Variants in AKT3 observed in about 807,000 individuals in gnomAD.
AKT3 encodes the protein AKT serine/threonine kinase 3.
AKT3 carries 15 observed loss-of-function variants against 65.3 expected under a neutral mutation model. The ratio of observed to expected loss-of-function variants is 0.23; its 90% CI spans 0.15 to 0.35. AKT3 has a LOEUF of 0.35. Ranked by LOEUF, AKT3 falls within the 10% of genes least tolerant of loss-of-function variation. The pLI is 1.00. For missense variants in AKT3, 243 were observed against 576.5 expected (o/e 0.42, Z 5.92); for synonymous variants, 206 against 183.8 (o/e 1.12, Z -0.98).
chr1:243,672,566 T>A (rs1178798233), intron 3 of AKT3, among the ~76,000 whole-genome samples: 1 of 152,184 alleles, frequency 6.6e-6, no homozygotes, highest in Non-Finnish European at 1.5e-5. Flanking sequence ...TAACATTACA[T>A]TTCCCTCTAG....
At chr1:243,781,439 T>A (rs1263189627) in intron 2 of AKT3, among the ~76,000 whole-genome samples, 1 of 152,180 alleles carries the variant, frequency 6.6e-6, no homozygotes, top group African/African-American at 2.4e-5. Flanking sequence ...ACTTCCCTCC[T>A]CTGTCGAATG....
At chr1:243,564,205 A>C (rs1415724333) in intron 9 of AKT3, among the ~76,000 whole-genome samples, 1 of 152,170 alleles carries the variant, frequency 6.6e-6, no homozygotes, top group Non-Finnish European at 1.5e-5. Flanking sequence ...CAAAGAGATG[A>C]GCATCTTCTT....
intron 2 of AKT3, 46 bp from the exon 3 acceptor site, chr1:243,695,762 C>G: frequency 1.3e-6 from 2 of 1,516,388 alleles, no homozygotes; most frequent in Non-Finnish European, 1.8e-6. Context: ...AAATGAACAG[C>G]AGCTTTTATG....
intron 11 of AKT3, among the ~76,000 whole-genome samples, chr1:243,545,927 G>A (rs972785046): frequency 8.5e-5 from 13 of 152,226 alleles, no homozygotes; most frequent in African/African-American, 2.9e-4. Context: ...GAATGATAAC[G>A]TTTGCTGGTG....
chr1:243,651,571 G>A (rs1192579161), intron 4 of AKT3, among the ~76,000 whole-genome samples: 1 of 152,032 alleles, frequency 6.6e-6, no homozygotes, highest in African/African-American at 2.4e-5. Context: ...ACATTCCATC[G>A]ATACTTAGTT....
At chr1:243,700,531 G>A (rs1389633167) in intron 2 of AKT3, among the ~76,000 whole-genome samples, 2 of 140,586 alleles carry the variant, frequency 1.4e-5, no homozygotes, top group Non-Finnish European at 3.0e-5. Flanking sequence ...TTGAGACACA[G>A]TCTTGCTCTG....
intron 3 of AKT3, among the ~76,000 whole-genome samples, chr1:243,668,482 G>A (rs79127091): frequency 0.027 from 4,179 of 152,072 alleles, 75 homozygotes; most frequent in Middle Eastern, 0.054. Flanking sequence ...CGGGAATAAC[G>A]TTGCAAAAGG....
At chr1:243,748,516 A>G (rs946800036) in intron 2 of AKT3, among the ~76,000 whole-genome samples, 1 of 152,220 alleles carries the variant, frequency 6.6e-6, no homozygotes, top group South Asian at 2.1e-4. Context: ...ATTAGTCCCT[A>G]TAAAACCAGA....
chr1:243,681,280 G>A (rs1053199592), intron 3 of AKT3, among the ~76,000 whole-genome samples: 2 of 152,018 alleles, frequency 1.3e-5, no homozygotes, highest in East Asian at 1.9e-4. Flanking sequence ...GAGGCAGAAG[G>A]TACTCAACAA....
At chr1:243,624,761 C>A in intron 6 of AKT3, 1 of 202,404 alleles carries the variant, frequency 4.9e-6, no homozygotes, top group East Asian at 1.2e-4. Context: ...GTTTCTTTGT[C>A]ATCCCATTTC....
chr1:243,815,776 AGTTGTT>A (rs145906932), intron 2 of AKT3, among the ~76,000 whole-genome samples: 3 of 147,186 alleles, frequency 2.0e-5, no homozygotes, highest in African/African-American at 7.6e-5. Flanking sequence ...ACACCCAGCT[AGTTGTT>A]GTTGTTGTTG....
chr1:243,543,315 G>C (rs1040829440), intron 12 of AKT3, among the ~76,000 whole-genome samples: 1 of 152,132 alleles, frequency 6.6e-6, no homozygotes, highest in Non-Finnish European at 1.5e-5. Flanking sequence ...ATGAATAGCT[G>C]AACACTGAGA....
chr1:243,748,674 G>A (rs1381166287), intron 2 of AKT3, among the ~76,000 whole-genome samples: 1 of 152,142 alleles, frequency 6.6e-6, no homozygotes, highest in African/African-American at 2.4e-5. Context: ...TGCAAACACA[G>A]TATTAATAAC....
chr1:243,631,082 TAA>T (rs1679572918), intron 6 of AKT3, among the ~76,000 whole-genome samples: 1 of 152,114 alleles, frequency 6.6e-6, no homozygotes, highest in Non-Finnish European at 1.5e-5. Context: ...CCAGTGCATA[TAA>T]GTTATGTTTA....
chr1:243,826,547 C>A (rs1034898148), intron 2 of AKT3, among the ~76,000 whole-genome samples: 13 of 152,148 alleles, frequency 8.5e-5, no homozygotes, highest in Non-Finnish European at 1.6e-4. Context: ...GTGGCTGACA[C>A]CAGCCATCTC....
At chr1:243,515,707 C>T (rs550046576) in intron 12 of AKT3, among the ~76,000 whole-genome samples, 2 of 152,200 alleles carry the variant, frequency 1.3e-5, no homozygotes, top group East Asian at 1.9e-4. Context: ...AATCTCTTTG[C>T]GGGCCAGGTG....
intron 8 of AKT3, among the ~76,000 whole-genome samples, chr1:243,595,081 T>A (rs370886160): frequency 1.3e-5 from 2 of 152,318 alleles, no homozygotes; most frequent in African/African-American, 4.8e-5. Context: ...TTCTGAGAAA[T>A]GTGCAATTAG....
At chr1:243,775,946 A>G (rs1346009012) in intron 2 of AKT3, among the ~76,000 whole-genome samples, 1 of 152,254 alleles carries the variant, frequency 6.6e-6, no homozygotes, top group Non-Finnish European at 1.5e-5. Flanking sequence ...TTTAAAGGCC[A>G]CATAGATATA....
At chr1:243,649,367 T>G (rs1217422191) in intron 4 of AKT3, among the ~76,000 whole-genome samples, 3 of 147,978 alleles carry the variant, frequency 2.0e-5, no homozygotes, top group South Asian at 2.1e-4. Flanking sequence ...GTATGTTGGG[T>G]GTGTGTGTGT....
Sources: allele counts gnomAD v4.1 joint callset (sites outside exome capture counted in the v4.1 genomes callset), GRCh38; gene constraint gnomAD v4.1.1; transcripts MANE v1.5; gene names NCBI Gene and HGNC (gene_info 2026-07-23, HGNC 2026-07-21).